VEPH1: variants seen among roughly 807,000 people sequenced by gnomAD.
VEPH1 encodes the protein ventricular zone-expressed PH domain-containing protein homolog 1.
VEPH1 carries 80 observed loss-of-function variants against 85.2 expected under a neutral mutation model. The ratio of observed to expected loss-of-function variants is 0.94; its 90% CI spans 0.78 to 1.13. VEPH1 has a LOEUF of 1.13. Ranked by LOEUF, VEPH1 falls within the 50% of genes most tolerant of loss-of-function variation. The probability of loss-of-function intolerance (pLI) is 0.00; values close to 1 mark genes in which losing one functional copy is unlikely to be tolerated. For missense variants in VEPH1, 955 were observed against 980.5 expected, an observed-to-expected ratio of 0.97 and a Z score of 0.35; for synonymous variants, 297 against 348.0, an observed-to-expected ratio of 0.85 and a Z score of 1.63.
chr3:157,478,785 A>G (rs943149170), intron 2 of VEPH1, among the ~76,000 whole-genome samples: 6 of 152,234 alleles, frequency 3.9e-5, no homozygotes, highest in African/African-American at 1.4e-4. Context: ...TGCAGCGAAT[A>G]TAGTAATATA....
chr3:157,345,926 A>G (rs900238051), intron 9 of VEPH1, among the ~76,000 whole-genome samples: 2 of 152,120 alleles, frequency 1.3e-5, no homozygotes, highest in East Asian at 3.9e-4. Context: ...AACTATCCCA[A>G]GGACAAAAAA....
chr3:157,297,110 A>G (rs1718231939), intron 11 of VEPH1, among the ~76,000 whole-genome samples: 1 of 152,222 alleles, frequency 6.6e-6, no homozygotes, highest in Admixed American at 6.5e-5. Context: ...CTCAAAAAAA[A>G]GCAGTGATGA....
At position 157,390,478 on chromosome 3, in the gene VEPH1, G is replaced by T. The variant is rs144684457; in HGVS notation, c.907-9102C>A. Among the ~76,000 whole-genome samples the T allele has an allele frequency of 3.2e-3, 489 of 152,324 alleles. 5 individuals are homozygous for T. Among genetic ancestry groups the T allele is most frequent in the African/African-American group, 0.011 (464 of 41,580 alleles). ...TTGTTTTATTTTTGGAGTTGGTTAT[G>T]AATTGGTTATTTGTGACCATTTTTT... On this transcript the variant is annotated intron_variant, in intron 6 of 13. Transcript: ENST00000362010.
At chr3:157,362,571 GA>G (rs1273014688) in intron 9 of VEPH1, among the ~76,000 whole-genome samples, 1 of 152,100 alleles carries the variant, frequency 6.6e-6, no homozygotes, top group Non-Finnish European at 1.5e-5. Context: ...ACAATGGTGT[GA>G]AAGTGATACT....
At chr3:157,341,451 G>A (rs972638465) in intron 9 of VEPH1, among the ~76,000 whole-genome samples, 15 of 152,166 alleles carry the variant, frequency 9.9e-5, no homozygotes, top group Non-Finnish European at 7.3e-5. Context: ...TCAATGGAAC[G>A]AAGTGACAAG....
chr3:157,326,919 T>A (rs1419573481), intron 9 of VEPH1, among the ~76,000 whole-genome samples: 4 of 152,206 alleles, frequency 2.6e-5, no homozygotes, highest in Non-Finnish European at 5.9e-5. Flanking sequence ...TGGTCACTCT[T>A]TCCTCTGTTA....
intron 9 of VEPH1, among the ~76,000 whole-genome samples, chr3:157,331,583 G>A (rs1722510536): frequency 6.6e-6 from 1 of 152,158 alleles, no homozygotes. Flanking sequence ...AACAGAAGAT[G>A]ACTGCAGAGG....
At chr3:157,311,062 A>G (rs1388171846) in intron 11 of VEPH1, among the ~76,000 whole-genome samples, 1 of 152,254 alleles carries the variant, frequency 6.6e-6, no homozygotes, top group African/African-American at 2.4e-5. Context: ...TTCAATTGAT[A>G]TGTATTATTT....
chr3:157,440,182 C>T (rs1734009768), intron 4 of VEPH1, among the ~76,000 whole-genome samples: 1 of 152,086 alleles, frequency 6.6e-6, no homozygotes, highest in Admixed American at 6.5e-5. Context: ...AGAATCACTG[C>T]CTCATTAAAA....
intron 6 of VEPH1, among the ~76,000 whole-genome samples, chr3:157,399,365 TG>T (rs1730652532): frequency 1.3e-5 from 2 of 152,236 alleles, no homozygotes; most frequent in African/African-American, 4.8e-5. Flanking sequence ...AGCAGTTACG[TG>T]ATTACATCAA....
chr3:157,362,027 T>C (rs2108766192), intron 9 of VEPH1, among the ~76,000 whole-genome samples: 1 of 152,100 alleles, frequency 6.6e-6, no homozygotes, highest in Non-Finnish European at 1.5e-5. Flanking sequence ...TTTTTAATTT[T>C]TTTATTTTTT....
chr3:157,285,586 T>G (rs1331420170), intron 12 of VEPH1, among the ~76,000 whole-genome samples: 1 of 152,244 alleles, frequency 6.6e-6, no homozygotes, highest in East Asian at 1.9e-4. Flanking sequence ...TGTTCCACAG[T>G]CTTTTTAACA....
intron 6 of VEPH1, among the ~76,000 whole-genome samples, chr3:157,400,526 T>A (rs1437450112): frequency 6.6e-6 from 1 of 152,192 alleles, no homozygotes; most frequent in Non-Finnish European, 1.5e-5. Context: ...CTTTATGCTA[T>A]GCTATTTGAG....
intron 5 of VEPH1, among the ~76,000 whole-genome samples, chr3:157,417,276 C>T (rs766948287): frequency 5.3e-5 from 8 of 152,112 alleles, no homozygotes; most frequent in Non-Finnish European, 1.0e-4. Flanking sequence ...CATTGGGAGC[C>T]GCCTTCCTGA....
In VEPH1 at chr3:157,495,162, C is replaced by T. The variant is rs776908895; in HGVS notation, c.138+50G>A. ...TGCCAGGATATAAACAAATCTCTAG[C>T]TCTAGGACAGGCCATTTCAGAGATG... On this transcript the variant is annotated intron_variant, in intron 2 of 13. Transcript: ENST00000362010. The T allele has an allele frequency of 3.8e-6, 6 of 1,576,362 alleles. No individual in the cohort carries two copies. In the South Asian group the frequency reaches 5.7e-5, roughly 15 times the overall value.
At chr3:157,321,674 G>A (rs1360369184) in intron 9 of VEPH1, among the ~76,000 whole-genome samples, 1 of 152,166 alleles carries the variant, frequency 6.6e-6, no homozygotes, top group Non-Finnish European at 1.5e-5. Flanking sequence ...AGCATTGGCT[G>A]AGGATTCGGA....
chr3:157,344,241 C>T (rs867552845), intron 9 of VEPH1, among the ~76,000 whole-genome samples: 13 of 152,058 alleles, frequency 8.5e-5, no homozygotes, highest in African/African-American at 3.1e-4. Flanking sequence ...TGAAATTGTC[C>T]CTGTTTGCAG....
intron 6 of VEPH1, among the ~76,000 whole-genome samples, chr3:157,405,924 C>T (rs534714601): frequency 2.0e-5 from 3 of 152,262 alleles, no homozygotes; most frequent in Admixed American, 2.0e-4. Flanking sequence ...TAGAAAGAAT[C>T]AGCAGCTCCA....
At chr3:157,281,729 G>T (rs1321843222) in intron 12 of VEPH1, among the ~76,000 whole-genome samples, 1 of 152,012 alleles carries the variant, frequency 6.6e-6, no homozygotes, top group Non-Finnish European at 1.5e-5. Flanking sequence ...GTAGAGATGG[G>T]GTTTCACCAT....
Sources: gnomAD v4.1 joint callset for allele counts (sites outside exome capture counted in the v4.1 genomes callset) on GRCh38, gnomAD v4.1.1 for gene constraint, MANE v1.5 for transcripts, NCBI Gene and HGNC (gene_info 2026-07-23, HGNC 2026-07-21) for gene names.